Variants in ARHGEF10 observed in about 807,000 individuals in gnomAD.
ARHGEF10 encodes the protein Rho guanine nucleotide exchange factor 10, also known as Rho guanine nucleotide exchange factor (GEF) 10.
ARHGEF10 carries 140 observed loss-of-function variants against 147.4 expected under a neutral mutation model. That is an observed-to-expected ratio of 0.95 (90% CI 0.83 to 1.09). The LOEUF (loss-of-function observed/expected upper bound fraction) is 1.09. ARHGEF10 is among the 50% of genes least tolerant of loss of function. ARHGEF10 has a pLI of 0.00. For missense variants in ARHGEF10, 2,222 were observed against 1,752.7 expected (o/e 1.27, Z -4.78); for synonymous variants, 902 against 695.8 (o/e 1.30, Z -4.67).
At chr8:1,897,751 G>A (rs772827416) in intron 14 of ARHGEF10, among the ~76,000 whole-genome samples, 2 of 152,196 alleles carry the variant, frequency 1.3e-5, no homozygotes, top group Non-Finnish European at 2.9e-5. Flanking sequence ...GGATTTTGCT[G>A]TACTCCCATT....
At chr8:1,921,826 C>T (rs982820211) in intron 18 of ARHGEF10, among the ~76,000 whole-genome samples, 7 of 152,150 alleles carry the variant, frequency 4.6e-5, no homozygotes, top group East Asian at 3.9e-4. Flanking sequence ...CAGGTCTGTG[C>T]GATTCTACAG....
chr8:1,896,800 T>A (rs989365844), intron 14 of ARHGEF10, among the ~76,000 whole-genome samples: 1 of 152,176 alleles, frequency 6.6e-6, no homozygotes, highest in Non-Finnish European at 1.5e-5. Context: ...CAGGCCTCTT[T>A]GGGATCGGGG....
At chr8:1,853,128 G>A (rs776287840) in intron 2 of ARHGEF10, among the ~76,000 whole-genome samples, 91 of 152,294 alleles carry the variant, frequency 6.0e-4, no homozygotes, top group Admixed American at 1.1e-3. Context: ...GGGTCGGCAC[G>A]GGCTGCACTG....
intron 18 of ARHGEF10, among the ~76,000 whole-genome samples, chr8:1,916,880 A>T (rs1274407626): frequency 6.6e-6 from 1 of 152,200 alleles, no homozygotes; most frequent in South Asian, 2.1e-4. Context: ...CACATGAGTG[A>T]TTTCTCTCCA....
rs1421236763 is a variant in ARHGEF10, at chr8:1,841,994, C to T, written c.-47-1359C>T. Among the ~76,000 whole-genome samples the T allele has an allele frequency of 8.7e-5, 6 of 69,282 alleles. 1 individual carries two copies. The South Asian group carries it at 1.9e-3, about 22-fold the overall frequency. The allele number at this position is 69,282 out of a possible 152,430, so 45.5% of individuals were successfully genotyped here. ...CTGGGGCCGCGGCGGGAACTGGGGC[C>T]GCGGCGGGAACTGGGGCCGCGGCGG... On this transcript the variant is annotated intron_variant, in intron 1 of 28. Coordinates refer to ENST00000349830, the MANE Select transcript of ARHGEF10 (RefSeq NM_014629.4).
intron 8 of ARHGEF10, among the ~76,000 whole-genome samples, chr8:1,878,554 G>T (rs1042034259): frequency 1.3e-5 from 2 of 152,180 alleles, no homozygotes; most frequent in Non-Finnish European, 2.9e-5. Flanking sequence ...TCAGACACTT[G>T]ATTTAAACTG....
chr8:1,896,526 C>A, intron 14 of ARHGEF10, 77 bp downstream of exon 14: 1 of 1,011,414 alleles, frequency 9.9e-7, no homozygotes, highest in Non-Finnish European at 1.6e-6. Context: ...ACTCTGAATG[C>A]AGTTATTCGT....
intron 11 of ARHGEF10, among the ~76,000 whole-genome samples, chr8:1,886,744 C>T (rs62477542): frequency 0.2 from 30,967 of 152,144 alleles, 4,098 homozygotes; most frequent in East Asian, 0.4. Context: ...AATCCCGTTG[C>T]CATCCTTGTG....
intron 5 of ARHGEF10, among the ~76,000 whole-genome samples, chr8:1,864,847 A>G (rs1482994022): frequency 6.6e-6 from 1 of 152,216 alleles, no homozygotes; most frequent in East Asian, 1.9e-4. Flanking sequence ...CAGTTTAAAC[A>G]GAGTTGTGCC....
intron 28 of ARHGEF10, among the ~76,000 whole-genome samples, chr8:1,955,252 A>ATG (rs1432277708): frequency 1.4e-5 from 2 of 141,698 alleles, no homozygotes; most frequent in African/African-American, 5.5e-5. Context: ...GTTCCTCTGG[A>ATG]GGATAGCCAG....
intron 27 of ARHGEF10, among the ~76,000 whole-genome samples, chr8:1,947,247 C>T (rs1218106962): frequency 6.6e-6 from 1 of 152,180 alleles, no homozygotes; most frequent in East Asian, 1.9e-4. Context: ...ATGAGAAAAA[C>T]CTCTCCACTC....
chr8:1,892,603 T>C (rs113018913), intron 11 of ARHGEF10, among the ~76,000 whole-genome samples: 2 of 151,872 alleles, frequency 1.3e-5, no homozygotes, highest in African/African-American at 4.8e-5. Flanking sequence ...GGGCTGCAGG[T>C]AGCCTGATGC....
At chr8:1,861,016 G>A (rs944132495) in intron 4 of ARHGEF10, among the ~76,000 whole-genome samples, 4 of 152,304 alleles carry the variant, frequency 2.6e-5, no homozygotes, top group African/African-American at 7.2e-5. Context: ...AGCACAAAGG[G>A]CTCAGAGTCG....
At chr8:1,909,577 T>C (rs997985043) in intron 18 of ARHGEF10, 107 bp downstream of exon 18, 259 of 1,461,174 alleles carry the variant, frequency 1.8e-4, no homozygotes, top group Middle Eastern at 4.7e-4. Flanking sequence ...GTTCAGGGTT[T>C]AACATGGCAA....
chr8:1,831,422 AG>A (rs1803094370), intron 1 of ARHGEF10, among the ~76,000 whole-genome samples: 1 of 140,438 alleles, frequency 7.1e-6, no homozygotes, highest in African/African-American at 2.7e-5. Flanking sequence ...GGCTGTGGAG[AG>A]ACAGTGTGAC....
Position 1,905,727 on chromosome 8 carries a change from A to T in ARHGEF10, c.1967+11A>T, listed in dbSNP as rs1433912759. On this transcript the variant is annotated intron_variant, in intron 17 of 28. Transcript: ENST00000349830. ...CACCGTCAGCTCACGGTAAGTGCAT[A>T]AATTCTCTATAGTAGTCCTACCATC... is the stretch of plus-strand genomic sequence containing the variant. 1.9e-6 allele frequency: 3 copies of T among 1,612,932 alleles called. No individual in the cohort carries two copies.
chr8:1,872,768 G>C (rs1205812871), intron 7 of ARHGEF10, among the ~76,000 whole-genome samples: 1 of 152,156 alleles, frequency 6.6e-6, no homozygotes, highest in African/African-American at 2.4e-5. Flanking sequence ...AGGAGCTCAC[G>C]GCGTTCGTTA....
At position 1,833,451 on chromosome 8, in the gene ARHGEF10, CAG is replaced by C. The variant is rs554113335; in HGVS notation, c.-48+9339_-48+9340del. The stretch of plus-strand genomic sequence containing the variant: ...ACAGAGACAGAGGCAGGGGCAGAGA[CAG>C]GGGCAGAGGCAGGGGCAGAGACAGG... On this transcript the variant is annotated intron_variant, in intron 1 of 28. Coordinates refer to ENST00000349830, the MANE Select transcript of ARHGEF10 (RefSeq NM_014629.4). 1.7e-3 allele frequency among the ~76,000 whole-genome samples: 257 copies of C among 151,990 alleles called. 5 individuals carry two copies. The South Asian group carries it at 0.042, about 25-fold the overall frequency.
Position 1,888,299 on chromosome 8 carries a change from G to C in ARHGEF10, c.1182+2592G>C, listed in dbSNP as rs1808953524. ...TAGGTTCTGAGGAGGGGTGGGGTGA[G>C]GGTTTGTGAGGATATGCTGAGTGGG... is the stretch of plus-strand genomic sequence containing the variant. On this transcript the variant is annotated intron_variant, in intron 11 of 28. Transcript: ENST00000349830. Among the ~76,000 whole-genome samples the C allele has an allele frequency of 2.6e-5, 2 of 77,622 alleles. 1 individual carries two copies. Among genetic ancestry groups the C allele is most frequent in the Non-Finnish European group, 5.4e-5 (2 of 37,348 alleles). 50.9% of individuals were successfully genotyped at this position (77,622 alleles called of 152,430 possible).
Sources: allele counts gnomAD v4.1 joint callset (sites outside exome capture counted in the v4.1 genomes callset), GRCh38; gene constraint gnomAD v4.1.1; transcripts MANE v1.5; gene names NCBI Gene and HGNC (gene_info 2026-07-23, HGNC 2026-07-21).